PTPN2: variants seen among roughly 807,000 people sequenced by gnomAD.
PTPN2 encodes the protein tyrosine-protein phosphatase non-receptor type 2.
Under a neutral mutation model 57.3 loss-of-function variants are expected in PTPN2, and 19 were observed. The ratio of observed to expected loss-of-function variants is 0.33; its 90% confidence interval spans 0.23 to 0.49. The LOEUF is 0.49. PTPN2 is among the 20% of genes least tolerant of loss of function. The probability of loss-of-function intolerance (pLI) is 0.99; values close to 1 mark genes in which losing one functional copy is unlikely to be tolerated. For missense variants in PTPN2, 358 were observed against 501.1 expected (o/e 0.71, Z 2.73); for synonymous variants, 153 against 164.9 (o/e 0.93, Z 0.55).
chr18:12,876,146 C>CA (rs1354516415), intron 1 of PTPN2, among the ~76,000 whole-genome samples: 2 of 151,800 alleles, frequency 1.3e-5, no homozygotes, highest in Non-Finnish European at 2.9e-5. Flanking sequence ...GACCCTGTCT[C>CA]AAAAAACAAA....
intron 7 of PTPN2, among the ~76,000 whole-genome samples, chr18:12,812,557 C>T (rs2041928102): frequency 6.6e-6 from 1 of 152,212 alleles, no homozygotes. Context: ...CGAGATTGTG[C>T]CATTGCACTC....
At chr18:12,790,550 A>G (rs1210381699), downstream of PTPN2, among the ~76,000 whole-genome samples, 1 of 152,240 alleles carries the variant, frequency 6.6e-6, no homozygotes, top group Non-Finnish European at 1.5e-5. Flanking sequence ...GGCTAACAAT[A>G]ACTACTTCAT....
intron 5 of PTPN2, among the ~76,000 whole-genome samples, chr18:12,822,965 C>T (rs1261407026): frequency 1.3e-5 from 2 of 152,124 alleles, no homozygotes; most frequent in Non-Finnish European, 2.9e-5. Flanking sequence ...AAAACAGGTA[C>T]TGTTTATCAT....
chr18:12,859,280 A>C lies in PTPN2; in HGVS notation c.70-26T>G, dbSNP rs779134188. 8.8e-6 allele frequency: 13 copies of C among 1,484,860 alleles called. No homozygotes were observed. In the Middle Eastern group the frequency reaches 1.4e-3, roughly 164 times the overall value. 92.0% of individuals were successfully genotyped at this position (1,484,860 alleles called of 1,614,324 possible). On this transcript the variant is annotated intron_variant, in intron 1 of 8. Coordinates refer to ENST00000309660, the MANE Select transcript of PTPN2 (RefSeq NM_002828.4). ...CTTAAAATAACAAAAATATATTTTA[A>C]TATCCCTCTTAAATTCTCCACAGCA...
At chr18:12,821,219 C>T (rs1250370296) in intron 5 of PTPN2, 1 of 152,172 alleles carries the variant, frequency 6.6e-6, no homozygotes, top group East Asian at 1.9e-4. Flanking sequence ...ATACTACTTA[C>T]CTTACAAAAC....
intron 2 of PTPN2, among the ~76,000 whole-genome samples, chr18:12,856,791 GGCTCA>G (rs1287945117): frequency 2.0e-5 from 3 of 152,102 alleles, no homozygotes. Context: ...TGGGCATGGT[GGCTCA>G]TGACTGTAAT....
chr18:12,866,399 C>T (rs781366160), intron 1 of PTPN2, among the ~76,000 whole-genome samples: 50 of 152,056 alleles, frequency 3.3e-4, no homozygotes, highest in Non-Finnish European at 5.7e-4. Flanking sequence ...GATTGCACCA[C>T]TGCACTCCAG....
chr18:12,877,503 A>T (rs1215656951), intron 1 of PTPN2, among the ~76,000 whole-genome samples: 2 of 152,218 alleles, frequency 1.3e-5, no homozygotes, highest in Non-Finnish European at 2.9e-5. Context: ...ACCATGTAAA[A>T]GCACTGAGAT....
At chr18:12,802,617 GA>G (rs2041472545) in intron 7 of PTPN2, among the ~76,000 whole-genome samples, 1 of 152,142 alleles carries the variant, frequency 6.6e-6, no homozygotes, top group Non-Finnish European at 1.5e-5. Context: ...AGCAGCAAGA[GA>G]AAAGGATCAA....
chr18:12,870,009 G>C (rs772739425), intron 1 of PTPN2, among the ~76,000 whole-genome samples: 3 of 151,866 alleles, frequency 2.0e-5, no homozygotes, highest in Non-Finnish European at 4.4e-5. Flanking sequence ...GGGGAGAGAA[G>C]ATCCCTGGTG....
chr18:12,794,219 A>G lies in PTPN2; in HGVS notation c.*59T>C. On this transcript the variant is annotated 3_prime_UTR_variant, in exon 9 of 9. Coordinates refer to ENST00000309660, the MANE Select transcript of PTPN2 (RefSeq NM_002828.4). ...AGGCGTTTGCTGCAGACAAACCCCT[A>G]TGATTAATGTAGCACTGTCAGTTAC... 1.2e-6 allele frequency: 2 copies of G among 1,604,518 alleles called. No homozygotes were observed. The highest frequency in any genetic ancestry group is 1.3e-5 in the African/African-American group (1 of 74,500).
intron 1 of PTPN2, among the ~76,000 whole-genome samples, chr18:12,874,393 T>G (rs1439498140): frequency 1.4e-5 from 2 of 142,182 alleles, no homozygotes; most frequent in South Asian, 2.3e-4. Context: ...GAGGAGCCCC[T>G]TCCGGGAGGG....
intron 2 of PTPN2, among the ~76,000 whole-genome samples, chr18:12,849,334 G>A (rs1182541387): frequency 6.6e-6 from 1 of 152,196 alleles, no homozygotes; most frequent in Non-Finnish European, 1.5e-5. Context: ...CGAGGCAGAT[G>A]GATCACCTGA....
exon 10 of PTPN2, chr18:12,785,562 A>C (rs1190451379): frequency 3.7e-6 from 2 of 534,656 alleles, no homozygotes; most frequent in South Asian, 2.3e-5. Flanking sequence ...AATCTCCCCT[A>C]ATTTATTTCT....
Position 12,870,396 on chromosome 18 carries a change from T to C in PTPN2, c.70-11142A>G, listed in dbSNP as rs1412623118. 3.5e-3 allele frequency among the ~76,000 whole-genome samples: 297 copies of C among 83,668 alleles called. 25 individuals are homozygous for C. The East Asian group carries it at 0.038, about 11-fold the overall frequency. The allele number at this position is 83,668 out of a possible 152,430, so 54.9% of individuals were successfully genotyped here. On this transcript the variant is annotated intron_variant, in intron 1 of 8. Coordinates refer to ENST00000309660, the MANE Select transcript of PTPN2 (RefSeq NM_002828.4). The stretch of plus-strand genomic sequence containing the variant: ...ATACATATATATACGTATATATGTA[T>C]ATATACACGTATATATATGTATATA...
At chr18:12,817,001 G>A (rs761810889) in intron 6 of PTPN2, among the ~76,000 whole-genome samples, 155 bp downstream of exon 6, 1 of 151,928 alleles carries the variant, frequency 6.6e-6, no homozygotes, top group African/African-American at 2.4e-5. Context: ...CAGTTGCAAC[G>A]GTGGAAATGA....
chr18:12,844,399 C>A (rs1477466912), intron 2 of PTPN2, among the ~76,000 whole-genome samples: 1 of 152,216 alleles, frequency 6.6e-6, no homozygotes, highest in African/African-American at 2.4e-5. Context: ...TACATTCCCA[C>A]CACCCATATA....
At chr18:12,791,777 G>A (rs766871237), downstream of PTPN2, among the ~76,000 whole-genome samples, 8 of 152,122 alleles carry the variant, frequency 5.3e-5, no homozygotes, top group African/African-American at 9.7e-5. Flanking sequence ...CCACCCAGAA[G>A]GACAGAAAGC....
chr18:12,817,172 T>C lies in PTPN2; in HGVS notation c.689A>G (p.Asp230Gly). 6.2e-7 allele frequency: 1 copy of C among 1,613,774 alleles called. No homozygotes were observed. The highest frequency in any genetic ancestry group is 8.5e-7 in the Non-Finnish European group (1 of 1,179,916). ...AGCACTTACCAAAACAAGACAAGTGTCTACCAGAGAGAAGGTGCCAGAGCG... is the reference window on the plus strand; with the variant it reads ...AGCACTTACCAAAACAAGACAAGTGCCTACCAGAGAGAAGGTGCCAGAGCG... ...IGRSGTFSLV[D>G]TCLVLMEKGD... The change falls in exon 6 of 9, where the codon GAC becomes GGC. Residue 230 changes from aspartate to glycine, a missense_variant. Physicochemically the swap from Asp to Gly is moderately conservative, Grantham distance 94 (BLOSUM62 -1). Coordinates refer to ENST00000309660, the MANE Select transcript of PTPN2 (RefSeq NM_002828.4).
Sources: allele counts gnomAD v4.1 joint callset (sites outside exome capture counted in the v4.1 genomes callset), GRCh38; gene constraint gnomAD v4.1.1; transcripts MANE v1.5; gene names NCBI Gene and HGNC (gene_info 2026-07-23, HGNC 2026-07-21).